Variants in NALF1 observed in about 807,000 individuals in gnomAD.
NALF1 encodes family with sequence similarity 155 member A.
Under a neutral mutation model 48.4 loss-of-function variants are expected in NALF1, and 3 were observed. The ratio of observed to expected loss-of-function variants is 0.06; its 90% confidence interval spans 0.03 to 0.16. The LOEUF (loss-of-function observed/expected upper bound fraction) is 0.16, where lower values mean the gene tolerates loss of function less well. NALF1 is among the 10% of genes least tolerant of loss of function. NALF1 has a pLI of 1.00. For synonymous variants in NALF1, 262 were observed against 245.7 expected (o/e 1.07, Z -0.62); for missense variants, 526 against 571.5 (o/e 0.92, Z 0.81).
At chr13:107,783,179 C>A (rs1403796230) in intron 1 of NALF1, among the ~76,000 whole-genome samples, 7 of 125,214 alleles carry the variant, frequency 5.6e-5, no homozygotes, top group Non-Finnish European at 6.8e-5. Flanking sequence ...CCGCCCCGTC[C>A]GGGAGGGAGG....
intron 2 of NALF1, among the ~76,000 whole-genome samples, chr13:107,188,099 T>C (rs1045829712): frequency 4.6e-5 from 7 of 152,198 alleles, no homozygotes; most frequent in African/African-American, 1.7e-4. Context: ...AATGCAATGA[T>C]TTACTCATCA....
At chr13:107,544,381 A>G (rs1877078322) in intron 1 of NALF1, among the ~76,000 whole-genome samples, 1 of 152,148 alleles carries the variant, frequency 6.6e-6, no homozygotes, top group South Asian at 2.1e-4. Context: ...ATTTCAAATG[A>G]CTCAAGCCAT....
chr13:107,368,701 C>T (rs1168384129), intron 1 of NALF1, among the ~76,000 whole-genome samples: 4 of 152,154 alleles, frequency 2.6e-5, no homozygotes, highest in Non-Finnish European at 5.9e-5. Flanking sequence ...CATTTAGGGC[C>T]CACCCTGACC....
In NALF1 at chr13:107,630,015, A is replaced by G. The variant is rs75707510; in HGVS notation, c.915+235667T>C. 2.9e-3 allele frequency among the ~76,000 whole-genome samples: 444 copies of G among 152,074 alleles called. 3 individuals are homozygous for G. Among genetic ancestry groups the G allele is most frequent in the African/African-American group, 0.01 (426 of 41,476 alleles). On this transcript the variant is annotated intron_variant, in intron 1 of 2. Coordinates refer to ENST00000375915, the MANE Select transcript of NALF1 (RefSeq NM_001080396.3). Reference sequence around the variant, plus strand: ...TGTCTATTTGTCTAATCTATCATCTATCTCTCTCTCTTCTATGGCTTGGAT... The same window carrying G: ...TGTCTATTTGTCTAATCTATCATCTGTCTCTCTCTCTTCTATGGCTTGGAT...
chr13:107,821,386 T>G (rs17375065), intron 1 of NALF1, among the ~76,000 whole-genome samples: 14,098 of 152,224 alleles, frequency 0.093, 784 homozygotes, highest in Middle Eastern at 0.13. Context: ...TACTGTAATG[T>G]CATGCTGAGA....
intron 1 of NALF1, among the ~76,000 whole-genome samples, chr13:107,671,930 A>G (rs1881000465): frequency 6.6e-6 from 1 of 152,168 alleles, no homozygotes; most frequent in Non-Finnish European, 1.5e-5. Context: ...TTATTTTCCA[A>G]GAGACATAAT....
intron 1 of NALF1, among the ~76,000 whole-genome samples, chr13:107,481,874 A>G (rs1242686141): frequency 6.6e-6 from 1 of 152,150 alleles, no homozygotes; most frequent in African/African-American, 2.4e-5. Flanking sequence ...AGGCATAGAA[A>G]TATCATAAGC....
At chr13:107,203,307 G>A (rs1879561228) in intron 2 of NALF1, among the ~76,000 whole-genome samples, 1 of 152,154 alleles carries the variant, frequency 6.6e-6, no homozygotes, top group Non-Finnish European at 1.5e-5. Flanking sequence ...CACGTTGAAT[G>A]CAGGGAAACC....
At chr13:107,706,005 G>A (rs1881938069) in intron 1 of NALF1, among the ~76,000 whole-genome samples, 2 of 152,168 alleles carry the variant, frequency 1.3e-5, no homozygotes, top group South Asian at 4.1e-4. Flanking sequence ...TTAAAACACT[G>A]AAGACCTGTC....
At chr13:107,424,121 T>C (rs1363133007) in intron 1 of NALF1, among the ~76,000 whole-genome samples, 1 of 152,166 alleles carries the variant, frequency 6.6e-6, no homozygotes, top group Admixed American at 6.6e-5. Flanking sequence ...ATGAGGAAGA[T>C]ACAGCTATTT....
chr13:107,442,760 C>T (rs1294234782), intron 1 of NALF1, among the ~76,000 whole-genome samples: 2 of 152,112 alleles, frequency 1.3e-5, no homozygotes, highest in South Asian at 2.1e-4. Flanking sequence ...TTTTAAGTCA[C>T]AATTTTTAAA....
chr13:107,537,784 G>A (rs1283520530), intron 1 of NALF1, among the ~76,000 whole-genome samples: 3 of 152,130 alleles, frequency 2.0e-5, no homozygotes, highest in African/African-American at 7.2e-5. Flanking sequence ...TTGGGAGGCT[G>A]AGGCAGGTAG....
At chr13:107,616,258 G>A (rs944017992) in intron 1 of NALF1, among the ~76,000 whole-genome samples, 33 of 152,152 alleles carry the variant, frequency 2.2e-4, no homozygotes, top group African/African-American at 6.3e-4. Flanking sequence ...CAGCGTTTAC[G>A]TTTAAAGTGG....
intron 1 of NALF1, among the ~76,000 whole-genome samples, chr13:107,341,216 C>T (rs564286701): frequency 6.6e-5 from 10 of 152,026 alleles, no homozygotes; most frequent in African/African-American, 2.4e-4. Context: ...TTCTCATCAG[C>T]CTACTTTGAT....
chr13:107,724,642 G>T (rs895208161), intron 1 of NALF1, among the ~76,000 whole-genome samples: 7 of 149,672 alleles, frequency 4.7e-5, no homozygotes, highest in African/African-American at 1.7e-4. Context: ...GGTCACTGCA[G>T]CCTTGACCTC....
chr13:107,339,089 G>A (rs1882618702), intron 1 of NALF1, among the ~76,000 whole-genome samples: 1 of 145,462 alleles, frequency 6.9e-6, no homozygotes, highest in Admixed American at 7.1e-5. Flanking sequence ...AGCAGAGATT[G>A]TGCCACTGCA....
chr13:107,440,855 A>G (rs1257337262), intron 1 of NALF1, among the ~76,000 whole-genome samples: 1 of 152,126 alleles, frequency 6.6e-6, no homozygotes, highest in Non-Finnish European at 1.5e-5. Flanking sequence ...AGATGGCCTT[A>G]ATCTAAGTTT....
At chr13:107,290,733 T>A (rs1881604817) in intron 1 of NALF1, among the ~76,000 whole-genome samples, 1 of 152,242 alleles carries the variant, frequency 6.6e-6, no homozygotes, top group African/African-American at 2.4e-5. Flanking sequence ...GTATCATTAT[T>A]TTATTTTGAA....
chr13:107,679,760 G>T (rs1460462644), intron 1 of NALF1, among the ~76,000 whole-genome samples: 1 of 152,136 alleles, frequency 6.6e-6, no homozygotes, highest in Non-Finnish European at 1.5e-5. Context: ...ACCTCTAGGG[G>T]GAAAAGATGG....
Sources: allele counts gnomAD v4.1 joint callset (sites outside exome capture counted in the v4.1 genomes callset), GRCh38; gene constraint gnomAD v4.1.1; transcripts MANE v1.5; gene names NCBI Gene and HGNC (gene_info 2026-07-23, HGNC 2026-07-21).